The following KATNAL2 variants were observed in gnomAD, a reference collection of about 807,000 sequenced individuals.
The protein encoded by KATNAL2 is katanin p60 ATPase-containing subunit A-like 2.
A neutral mutation model predicts 76.3 loss-of-function variants in KATNAL2; 52 were observed. The observed-to-expected ratio is 0.68, with a 90% CI of 0.55 to 0.86. KATNAL2 has a LOEUF of 0.86. Ranked by LOEUF, KATNAL2 falls within the 40% of genes least tolerant of loss-of-function variation. KATNAL2 has a pLI of 0.00. For synonymous variants in KATNAL2, 243 were observed against 244.2 expected (o/e 1.00, Z 0.05); for missense variants, 660 against 668.9 (o/e 0.99, Z 0.15).
intron 5 of KATNAL2, among the ~76,000 whole-genome samples, chr18:47,053,744 C>T (rs2061399079): frequency 1.3e-5 from 2 of 152,192 alleles, no homozygotes; most frequent in South Asian, 2.1e-4. Flanking sequence ...TTTAAAATAG[C>T]CAGGGCCAGA....
At chr18:47,048,857 C>T (rs1279226486) in intron 4 of KATNAL2, among the ~76,000 whole-genome samples, 2 of 85,632 alleles carry the variant, frequency 2.3e-5, no homozygotes, top group Non-Finnish European at 4.2e-5. Flanking sequence ...TTTTTTGAGA[C>T]GGAGTCTCAC....
chr18:46,961,255 A>AGTTT (rs2059935930), intron 3 of KATNAL2, among the ~76,000 whole-genome samples: 1 of 133,156 alleles, frequency 7.5e-6, no homozygotes, highest in African/African-American at 2.8e-5. Context: ...CCCTTTCCTC[A>AGTTT]CGTCTTAAAA....
rs772255479 is a variant in KATNAL2, at chr18:47,075,279, GTTAT to G, written c.1014_1017del (p.Phe339SerfsTer19). 1 of 1,549,062 alleles carries G rather than the reference GTTAT, an allele frequency of 6.5e-7. No homozygotes were observed. The highest frequency in any genetic ancestry group is 1.3e-5 in the South Asian group (1 of 79,336). On this transcript the variant is annotated frameshift_variant, in exon 14 of 18. Transcript: ENST00000683218. LOFTEE classifies it high-confidence loss of function. The stretch of plus-strand genomic sequence containing the variant: ...TTGCTTGCTTTTCCCCCACCCAGGT[GTTAT>G]TTGAGCTTGCCCGCTACCACGCCCC...
intron 2 of KATNAL2, 81 bp from the exon 3 acceptor site, chr18:46,946,773 A>G: frequency 7.6e-7 from 1 of 1,320,980 alleles, no homozygotes; most frequent in East Asian, 2.5e-5. Context: ...GCCAATCCGG[A>G]AAGGGGCGGG....
intron 15 of KATNAL2, among the ~76,000 whole-genome samples, chr18:47,080,511 A>G (rs1277686331): frequency 6.6e-6 from 1 of 152,120 alleles, no homozygotes; most frequent in South Asian, 2.1e-4. Flanking sequence ...TCACTGATCT[A>G]TTTTACATTC....
At chr18:46,922,868 A>T (rs1054135016) in intron 1 of KATNAL2, among the ~76,000 whole-genome samples, 7 of 148,726 alleles carry the variant, frequency 4.7e-5, no homozygotes, top group Admixed American at 2.7e-4. Context: ...TCTGTATAAG[A>T]TTTATAATTT....
At chr18:47,063,458 C>A in intron 10 of KATNAL2, 97 bp downstream of exon 10, 2 of 874,172 alleles carry the variant, frequency 2.3e-6, no homozygotes, top group South Asian at 1.7e-5. Flanking sequence ...TAAATATGAT[C>A]ATTTATTTAT....
chr18:46,949,184 C>T (rs556356963), intron 3 of KATNAL2, among the ~76,000 whole-genome samples: 1 of 152,262 alleles, frequency 6.6e-6, no homozygotes, highest in South Asian at 2.1e-4. Context: ...AGGCATGAGC[C>T]ACTGTGCCTT....
chr18:47,058,159 T>C lies in KATNAL2; in HGVS notation c.333-76T>C. On this transcript the variant is annotated intron_variant, in intron 6 of 17. Coordinates refer to ENST00000683218, the MANE Select transcript of KATNAL2 (RefSeq NM_001387690.1). The stretch of plus-strand genomic sequence containing the variant: ...AATAGCTTTCTTAAATGTGCTATTC[T>C]TAAGAATAGTTGTTTAACTACCTCA... 3 of 996,018 alleles carry C rather than the reference T, an allele frequency of 3.0e-6. No individual in the cohort carries two copies. In the South Asian group the frequency reaches 4.1e-5, roughly 14 times the overall value. 61.7% of individuals were successfully genotyped at this position (996,018 alleles called of 1,614,324 possible).
intron 3 of KATNAL2, among the ~76,000 whole-genome samples, chr18:46,959,686 G>C (rs2059876975): frequency 6.6e-6 from 1 of 152,150 alleles, no homozygotes; most frequent in Non-Finnish European, 1.5e-5. Context: ...TTTTTCTCCT[G>C]TCTCAGCCTC....
chr18:47,076,158 G>A (rs1245122152), intron 14 of KATNAL2: 1 of 152,156 alleles, frequency 6.6e-6, no homozygotes, highest in Non-Finnish European at 1.5e-5. Context: ...CAAGGCAGAA[G>A]TAATAGTAAT....
chr18:47,046,760 A>G (rs2061170365), intron 4 of KATNAL2, among the ~76,000 whole-genome samples: 1 of 152,168 alleles, frequency 6.6e-6, no homozygotes, highest in African/African-American at 2.4e-5. Flanking sequence ...CCAATACATT[A>G]TTAACTGAAG....
At chr18:46,922,982 C>A (rs757961596) in intron 1 of KATNAL2, among the ~76,000 whole-genome samples, 1 of 147,070 alleles carries the variant, frequency 6.8e-6, no homozygotes, top group Non-Finnish European at 1.5e-5. Flanking sequence ...GTAAACACTT[C>A]AGTCCATATA....
At chr18:47,046,650 A>T in intron 4 of KATNAL2, 123 bp downstream of exon 4, 1 of 743,476 alleles carries the variant, frequency 1.3e-6, no homozygotes, top group Non-Finnish European at 2.2e-6. Context: ...TTACAGAAAA[A>T]TCGAGCAGAA....
At chr18:47,032,406 C>T (rs1466686446) in intron 3 of KATNAL2, among the ~76,000 whole-genome samples, 1 of 152,156 alleles carries the variant, frequency 6.6e-6, no homozygotes, top group Non-Finnish European at 1.5e-5. Flanking sequence ...TGCCACCATG[C>T]CAGGCTAGTT....
chr18:47,032,281 C>G (rs992899764), intron 3 of KATNAL2, among the ~76,000 whole-genome samples: 5 of 152,338 alleles, frequency 3.3e-5, no homozygotes, highest in South Asian at 2.1e-4. Flanking sequence ...TGCTCAGGTT[C>G]TGTCACCCAG....
In KATNAL2 at chr18:47,068,619, C is replaced by T. The variant is rs918922929; in HGVS notation, c.826-601C>T. On this transcript the variant is annotated intron_variant, in intron 11 of 17. Transcript: ENST00000683218. ...TTTTACTAATATTCCTTGCCACACC[C>T]TCTCCCCCATTCTCTACCAACCCTT... is the stretch of plus-strand genomic sequence containing the variant. Among the ~76,000 whole-genome samples the T allele has an allele frequency of 7.9e-5, 12 of 152,304 alleles. No homozygotes were observed. The East Asian group carries it at 2.3e-3, about 29-fold the overall frequency.
chr18:46,962,077 G>C (rs1418165074), intron 3 of KATNAL2, among the ~76,000 whole-genome samples: 1 of 152,094 alleles, frequency 6.6e-6, no homozygotes, highest in Non-Finnish European at 1.5e-5. Flanking sequence ...TAGGCTGCTG[G>C]CACTATTTTC....
chr18:47,080,704 G>A (rs1180256240), intron 15 of KATNAL2, among the ~76,000 whole-genome samples: 1 of 152,126 alleles, frequency 6.6e-6, no homozygotes, highest in South Asian at 2.1e-4. Flanking sequence ...CCTCGCTAAC[G>A]CTTGTTATTA....
Sources: allele counts gnomAD v4.1 joint callset (sites outside exome capture counted in the v4.1 genomes callset), GRCh38; gene constraint gnomAD v4.1.1; transcripts MANE v1.5; gene names NCBI Gene and HGNC (gene_info 2026-07-23, HGNC 2026-07-21).